The following LZTS1 variants were observed in gnomAD, a reference collection of about 807,000 sequenced individuals.
LZTS1 encodes the protein leucine zipper putative tumor suppressor 1.
A neutral mutation model predicts 45.8 loss-of-function variants in LZTS1; 31 were observed. That is an observed-to-expected ratio of 0.68 (90% CI 0.51 to 0.91). LZTS1 has a LOEUF of 0.91. Among genes scored for constraint, LZTS1 ranks in the 40% least tolerant of loss-of-function variants. The pLI is 0.00. For synonymous variants in LZTS1, 359 were observed against 357.3 expected, an observed-to-expected ratio of 1.00 and a Z score of -0.05; for missense variants, 821 against 788.9, an observed-to-expected ratio of 1.04 and a Z score of -0.49.
intron 1 of LZTS1, among the ~76,000 whole-genome samples, chr8:20,278,952 T>C (rs1800635675): frequency 6.6e-6 from 1 of 152,212 alleles, no homozygotes; most frequent in Non-Finnish European, 1.5e-5. Context: ...CCAACCCCAA[T>C]TGCCAGTTTT....
chr8:20,303,903 A>G lies in LZTS1; in HGVS notation c.-298T>C. The G allele has an allele frequency of 2.0e-6, 2 of 983,944 alleles. No individual in the cohort carries two copies. Among genetic ancestry groups the G allele is most frequent in the Non-Finnish European group, 1.2e-6 (1 of 829,446 alleles). The allele number at this position is 983,944 out of a possible 1,614,324, so 61.0% of individuals were successfully genotyped here. A position where few individuals can be genotyped will look rare whatever the true frequency, so the allele number is the denominator to read the frequency against. ...CTCACTGGCCGAGGCGGGCAGAGAA[A>G]CTTTCGGCCTCCCCGCCCGGCCGCT... On this transcript the variant is annotated 5_prime_UTR_variant, in exon 1 of 4. Transcript: ENST00000381569.
intron 1 of LZTS1, chr8:20,290,434 A>G (rs1374420090): frequency 2.0e-5 from 3 of 152,236 alleles, no homozygotes; most frequent in Admixed American, 2.0e-4. Context: ...CTCTCCTGGA[A>G]GGTACATTAA....
chr8:20,295,573 G>T (rs1385843760), intron 1 of LZTS1, among the ~76,000 whole-genome samples: 11 of 152,186 alleles, frequency 7.2e-5, no homozygotes. Context: ...TATATCAGAT[G>T]CGGGACACAC....
intron 1 of LZTS1, among the ~76,000 whole-genome samples, chr8:20,276,823 A>C (rs1800593993): frequency 6.6e-6 from 1 of 151,944 alleles, no homozygotes; most frequent in South Asian, 2.1e-4. Flanking sequence ...GGTTGGGAAA[A>C]CCCCACATAT....
At chr8:20,278,551 C>T (rs2128896903) in intron 1 of LZTS1, among the ~76,000 whole-genome samples, 1 of 152,340 alleles carries the variant, frequency 6.6e-6, no homozygotes. Flanking sequence ...TTCATTCCTG[C>T]CCTGATAGTT....
chr8:20,261,377 A>C (rs1800224945), intron 1 of LZTS1, among the ~76,000 whole-genome samples: 1 of 152,162 alleles, frequency 6.6e-6, no homozygotes, highest in African/African-American at 2.4e-5. Flanking sequence ...CCCCAGGACC[A>C]GTCCCAGCCC....
chr8:20,258,716 A>G (rs1800162362), intron 1 of LZTS1, among the ~76,000 whole-genome samples: 1 of 152,236 alleles, frequency 6.6e-6, no homozygotes, highest in Non-Finnish European at 1.5e-5. Flanking sequence ...TACTTAGTAC[A>G]TAGTGGGCAC....
chr8:20,255,387 A>G, intron 1 of LZTS1, 72 bp from the exon 2 acceptor site: 1 of 1,094,748 alleles, frequency 9.1e-7, no homozygotes. Flanking sequence ...TCCGACTTCC[A>G]GATCTGGGCA....
At chr8:20,270,586 T>G (rs1363968770) in intron 1 of LZTS1, among the ~76,000 whole-genome samples, 1 of 152,084 alleles carries the variant, frequency 6.6e-6, no homozygotes, top group Non-Finnish European at 1.5e-5. Flanking sequence ...CTCTGCCACC[T>G]CTGCCATACC....
chr8:20,252,039 A>T, intron 3 of LZTS1, among the ~76,000 whole-genome samples: 1 of 152,120 alleles, frequency 6.6e-6, no homozygotes, highest in East Asian at 1.9e-4. Context: ...GGGTGCGAGC[A>T]TGTAAAGAGC....
At chr8:20,263,285 C>T (rs1028999948) in intron 1 of LZTS1, among the ~76,000 whole-genome samples, 1 of 151,816 alleles carries the variant, frequency 6.6e-6, no homozygotes, top group South Asian at 2.1e-4. Context: ...GCCTCGAGGC[C>T]CCTCTGGGCT....
chr8:20,303,952 G>C lies in LZTS1; in HGVS notation c.-347C>G. On this transcript the variant is annotated 5_prime_UTR_variant, in exon 1 of 4. Coordinates refer to ENST00000381569, the MANE Select transcript of LZTS1 (RefSeq NM_021020.5). ...CTGCCAACCCGCCAGCTCCAGGCGC[G>C]CCGGCCTCTGCGCGGGTCCCGGAGC... 2.1e-6 allele frequency: 2 copies of C among 966,094 alleles called. No homozygotes were observed. The highest frequency in any genetic ancestry group is 9.5e-5 in the South Asian group (2 of 20,998). The allele number at this position is 966,094 out of a possible 1,614,324, so 59.8% of individuals were successfully genotyped here. A position where few individuals can be genotyped will look rare whatever the true frequency, so the allele number is the denominator to read the frequency against.
At chr8:20,285,553 C>G (rs187242069) in intron 1 of LZTS1, among the ~76,000 whole-genome samples, 4 of 152,138 alleles carry the variant, frequency 2.6e-5, no homozygotes, top group South Asian at 2.1e-4. Flanking sequence ...AAAACTCTAA[C>G]GTATTATTGT....
At chr8:20,281,844 C>A (rs1293086325) in intron 1 of LZTS1, among the ~76,000 whole-genome samples, 1 of 152,162 alleles carries the variant, frequency 6.6e-6, no homozygotes, top group African/African-American at 2.4e-5. Flanking sequence ...TATAAATTAC[C>A]CAGTCTCAGG....
intron 1 of LZTS1, among the ~76,000 whole-genome samples, chr8:20,268,449 A>C (rs559624205): frequency 7.2e-4 from 109 of 150,710 alleles, no homozygotes; most frequent in African/African-American, 2.5e-3. Context: ...AGCTTTCCTT[A>C]TCTGGAATTC....
At chr8:20,290,318 C>G (rs1800879306) in intron 1 of LZTS1, 1 of 152,114 alleles carries the variant, frequency 6.6e-6, no homozygotes, top group African/African-American at 2.4e-5. Flanking sequence ...GATCTGAGCC[C>G]TAATAGCTGT....
chr8:20,270,060 C>CAGG (rs1800441392), intron 1 of LZTS1, among the ~76,000 whole-genome samples: 1 of 152,234 alleles, frequency 6.6e-6, no homozygotes, highest in South Asian at 2.1e-4. Context: ...TGGGCAAGAC[C>CAGG]AGGCGTCCCA....
rs776924093 is a variant in LZTS1 at position 20,250,225 on chromosome 8, C to T, written c.1288G>A (p.Glu430Lys). 6 of 1,613,166 alleles carry T rather than the reference C, an allele frequency of 3.7e-6. No individual in the cohort carries two copies. Among genetic ancestry groups the T allele is most frequent in the Admixed American group, 1.7e-5 (1 of 60,034 alleles). ...CCCTCCAGGTCCTGGGTCCTCAGCT[C>T]CAGGCCCTCCAGCTTGCCCCGCGTG... ...KDTRGKLEGLELRTQDLEGAL... is the reference protein window; with the variant it reads ...KDTRGKLEGLKLRTQDLEGAL... The change falls in exon 4 of 4, where the codon GAG becomes AAG. Residue 430 changes from glutamate (E) to lysine (K), a missense_variant. Glu to Lys is a moderately conservative substitution (Grantham distance 56, BLOSUM62 1). Transcript: ENST00000381569.
At chr8:20,252,027 C>T (rs1799933952) in intron 3 of LZTS1, among the ~76,000 whole-genome samples, 1 of 152,092 alleles carries the variant, frequency 6.6e-6, no homozygotes, top group Non-Finnish European at 1.5e-5. Flanking sequence ...ACAGACCAAG[C>T]TGGGTGCGAG....
Sources: allele counts gnomAD v4.1 joint callset (sites outside exome capture counted in the v4.1 genomes callset), GRCh38; gene constraint gnomAD v4.1.1; transcripts MANE v1.5; gene names NCBI Gene and HGNC (gene_info 2026-07-23, HGNC 2026-07-21).